The following UGGT2 variants were observed in gnomAD, a reference collection of about 807,000 sequenced individuals.
UGGT2 encodes the protein UDP-glucose:glycoprotein glucosyltransferase 2.
Under a neutral mutation model 192.1 loss-of-function variants are expected in UGGT2, and 180 were observed. The observed-to-expected ratio is 0.94, with a 90% CI of 0.83 to 1.06. The LOEUF (loss-of-function observed/expected upper bound fraction) is 1.06. UGGT2 is among the 50% of genes least tolerant of loss of function. The pLI, the probability that UGGT2 is intolerant of heterozygous loss-of-function variation, is 0.00. For missense variants in UGGT2, 1,849 were observed against 1,795.7 expected (o/e 1.03, Z -0.54); for synonymous variants, 580 against 591.0 (o/e 0.98, Z 0.27).
intron 4 of UGGT2, among the ~76,000 whole-genome samples, chr13:96,015,291 A>C (rs575414225): frequency 1.2e-4 from 18 of 151,928 alleles, no homozygotes; most frequent in African/African-American, 4.1e-4. Context: ...AAAAAAAAAA[A>C]AGAAAGAAAA....
intron 38 of UGGT2, among the ~76,000 whole-genome samples, chr13:95,832,046 C>CT (rs751726923): frequency 9.3e-4 from 128 of 138,118 alleles, no homozygotes; most frequent in Admixed American, 1.3e-3. Flanking sequence ...TAAAGGAAAA[C>CT]TTTTTTTTTT....
intron 16 of UGGT2, among the ~76,000 whole-genome samples, chr13:95,938,639 T>C (rs1253911935): frequency 6.6e-6 from 1 of 152,210 alleles, no homozygotes; most frequent in Non-Finnish European, 1.5e-5. Flanking sequence ...GTAAATGATA[T>C]GCAAACTCTC....
chr13:95,814,624 A>G (rs1038209272), intron 38 of UGGT2, among the ~76,000 whole-genome samples: 1 of 152,186 alleles, frequency 6.6e-6, no homozygotes, highest in African/African-American at 2.4e-5. Flanking sequence ...ATAAAATACA[A>G]TCATGCCTTC....
intron 38 of UGGT2, among the ~76,000 whole-genome samples, chr13:95,803,037 T>C (rs935514803): frequency 2.6e-5 from 4 of 151,762 alleles, no homozygotes; most frequent in South Asian, 2.1e-4. Context: ...GGTTTCACCG[T>C]GTTAGCCAGG....
intron 4 of UGGT2, among the ~76,000 whole-genome samples, chr13:96,016,847 G>A (rs1343860144): frequency 6.6e-6 from 1 of 152,174 alleles, no homozygotes; most frequent in African/African-American, 2.4e-5. Flanking sequence ...CCTTGTGCCT[G>A]GAAAACCCAG....
intron 10 of UGGT2, among the ~76,000 whole-genome samples, chr13:95,977,608 A>G (rs1210005731): frequency 2.0e-5 from 3 of 152,222 alleles, no homozygotes; most frequent in Non-Finnish European, 4.4e-5. Context: ...AATTTAAATT[A>G]GTTAAACCAT....
chr13:95,922,834 CAAAAT>C (rs1019691406), intron 20 of UGGT2, among the ~76,000 whole-genome samples: 15 of 151,956 alleles, frequency 9.9e-5, no homozygotes, highest in African/African-American at 2.7e-4. Flanking sequence ...AAAAACAAAA[CAAAAT>C]AAAACAAAAC....
intron 17 of UGGT2, among the ~76,000 whole-genome samples, chr13:95,931,476 C>T (rs1051162243): frequency 2.6e-4 from 40 of 151,362 alleles, no homozygotes; most frequent in Middle Eastern, 3.4e-3. Context: ...GACTGGGCGC[C>T]GCGGAGCAGG....
chr13:95,986,763 T>C lies in UGGT2; in HGVS notation c.932-331A>G, dbSNP rs553308970. Among the ~76,000 whole-genome samples the C allele has an allele frequency of 3.3e-5, 5 of 152,152 alleles. No individual in the cohort carries two copies. In the South Asian group the frequency reaches 6.2e-4, roughly 19 times the overall value. On this transcript the variant is annotated intron_variant, in intron 8 of 38. Coordinates refer to ENST00000376747, the MANE Select transcript of UGGT2 (RefSeq NM_020121.4). Reference sequence around the variant, plus strand: ...ATATGACAAAAAGTCAAAAGAATAATGAAGAGGAGTAAAAAGAGCTTTAAA... The same window carrying C: ...ATATGACAAAAAGTCAAAAGAATAACGAAGAGGAGTAAAAAGAGCTTTAAA...
At chr13:96,004,197 T>C (rs2051898781) in intron 5 of UGGT2, among the ~76,000 whole-genome samples, 1 of 151,874 alleles carries the variant, frequency 6.6e-6, no homozygotes, top group African/African-American at 2.4e-5. Flanking sequence ...AAAACATATT[T>C]GTTTTTAAAA....
chr13:95,855,539 T>C lies in UGGT2; in HGVS notation c.4008+619A>G, dbSNP rs1286580686. On this transcript the variant is annotated intron_variant, in intron 34 of 38. Transcript: ENST00000376747. ...GGCCAAATTTATTTGCTTTTATTTT[T>C]AGAGATAGGGTCTCACTCTTTCACT... 4.0e-5 allele frequency among the ~76,000 whole-genome samples: 6 copies of C among 151,470 alleles called. No individual in the cohort carries two copies. In the East Asian group the frequency reaches 1.2e-3, roughly 29 times the overall value.
intron 27 of UGGT2, among the ~76,000 whole-genome samples, chr13:95,881,835 T>C (rs568231847): frequency 1.1e-4 from 17 of 152,300 alleles, no homozygotes; most frequent in Admixed American, 3.3e-4. Flanking sequence ...AGAGAGTCTT[T>C]TGATGCAGTT....
In UGGT2 at chr13:95,856,243, C is replaced by T; in HGVS notation, c.3923G>A (p.Arg1308Lys). The stretch of plus-strand genomic sequence containing the variant: ...AAGAATTTTGTAACCCCAAATAATC[C>T]TCTGTCTTTCAGTCTGTTGACGAAG... The part of the protein sequence containing the change: ...RWLRQQTERQ[R>K]IIWGYKILFL... Residue 1308 changes from arginine (R) to lysine (K), a missense_variant, in exon 34 of 39, where the codon AGG (arginine) becomes AAG (lysine). Coordinates refer to ENST00000376747, the MANE Select transcript of UGGT2 (RefSeq NM_020121.4). 6.2e-7 allele frequency: 1 copy of T among 1,613,618 alleles called. No individual in the cohort carries two copies. The highest frequency in any genetic ancestry group is 8.5e-7 in the Non-Finnish European group (1 of 1,179,752).
intron 26 of UGGT2, among the ~76,000 whole-genome samples, chr13:95,886,161 T>C (rs973351666): frequency 2.0e-5 from 3 of 152,132 alleles, no homozygotes; most frequent in African/African-American, 7.2e-5. Context: ...CCTCATTCCT[T>C]CCCTACAATA....
intron 27 of UGGT2, among the ~76,000 whole-genome samples, chr13:95,882,489 C>T (rs1234637901): frequency 1.3e-5 from 2 of 152,098 alleles, no homozygotes; most frequent in Admixed American, 1.3e-4. Context: ...ATACCAAATG[C>T]CTTTGTTATT....
chr13:95,887,843 TCAGCA>T (rs1331881573), intron 26 of UGGT2, 44 bp downstream of exon 26: 1 of 1,165,426 alleles, frequency 8.6e-7, no homozygotes, highest in Admixed American at 2.1e-5. Flanking sequence ...TTTTTTCTTC[TCAGCA>T]TTTACAAATT....
rs182577386 is a variant in UGGT2, at chr13:95,888,311, A to C, written c.2959-340T>G. Among the ~76,000 whole-genome samples, 6 of 152,342 alleles carry C rather than the reference A, an allele frequency of 3.9e-5. No individual in the cohort carries two copies. In the East Asian group the frequency reaches 1.2e-3, roughly 29 times the overall value. On this transcript the variant is annotated intron_variant, in intron 25 of 38. Transcript: ENST00000376747. ...AATAATTACTAGAACCTTGATCTGC[A>C]AATACAAAGTGGTGACCTTACAACA... is the stretch of plus-strand genomic sequence containing the variant.
chr13:96,025,178 A>C (rs753211504), intron 2 of UGGT2, among the ~76,000 whole-genome samples: 10 of 152,240 alleles, frequency 6.6e-5, no homozygotes, highest in Non-Finnish European at 1.5e-4. Context: ...CTTTGCAAAT[A>C]GGGTAACATC....
At chr13:95,990,295 T>C (rs1273009036) in intron 7 of UGGT2, 1 of 265,678 alleles carries the variant, frequency 3.8e-6, no homozygotes, top group Non-Finnish European at 7.1e-6. Context: ...AAACAAAATC[T>C]GGAGGAATAT....
Sources: allele counts gnomAD v4.1 joint callset (sites outside exome capture counted in the v4.1 genomes callset), GRCh38; gene constraint gnomAD v4.1.1; transcripts MANE v1.5; gene names NCBI Gene and HGNC (gene_info 2026-07-23, HGNC 2026-07-21).